The following RUSC2 variants were observed in gnomAD, a reference collection of about 807,000 sequenced individuals.
The protein encoded by RUSC2 is AP-4 complex accessory subunit RUSC2.
Under a neutral mutation model 122.2 loss-of-function variants are expected in RUSC2, and 34 were observed. That is an observed-to-expected ratio of 0.28 (90% CI 0.21 to 0.37). The LOEUF (loss-of-function observed/expected upper bound fraction) is 0.37, where lower values mean the gene tolerates loss of function less well. Among genes scored for constraint, RUSC2 ranks in the 10% least tolerant of loss-of-function variants. RUSC2 has a pLI of 1.00. For synonymous variants in RUSC2, 784 were observed against 790.0 expected (o/e 0.99, Z 0.13); for missense variants, 1,747 against 1,952.4 (o/e 0.89, Z 1.98).
At position 35,557,964 on chromosome 9, in the gene RUSC2, G is replaced by T. The variant is rs76401700; in HGVS notation, c.3034G>T (p.Gly1012Cys). ...IAVDLIVAHF[G>C]TSRDPGVKAK... is the part of the protein sequence containing the mutation. Reference sequence around the variant, plus strand: ...TGTGGACCTCATTGTGGCTCATTTTGGCACAAGCCGGGATCCCGGGGTGAA... The same window carrying T: ...TGTGGACCTCATTGTGGCTCATTTTTGCACAAGCCGGGATCCCGGGGTGAA... Residue 1012 changes from glycine to cysteine, a missense_variant, in exon 6 of 12, where the codon GGC becomes TGC. Physicochemically the swap from Gly to Cys is radical, Grantham distance 159. Transcript: ENST00000361226. This position sits in a 1 kb window ranked among gnomAD's most constrained non-coding sequence, Gnocchi z 4.6. 2.1e-5 allele frequency: 34 copies of T among 1,614,046 alleles called. No homozygotes were observed. The highest frequency in any genetic ancestry group is 2.9e-5 in the Non-Finnish European group (34 of 1,180,036).
At chr9:35,501,736 T>C (rs2132494744) in intron 1 of RUSC2, among the ~76,000 whole-genome samples, 1 of 152,322 alleles carries the variant, frequency 6.6e-6, no homozygotes, top group South Asian at 2.1e-4. Flanking sequence ...AACCAAAATA[T>C]GTGCTGCATA....
At position 35,548,536 on chromosome 9, in the gene RUSC2, G is replaced by T; in HGVS notation, c.2014+1G>T. ...AGGGATGCAAGAGCTAGAGCTGACG[G>T]TAAGGAGCCTAAGGGTTAGCAAATA... is the stretch of plus-strand genomic sequence containing the variant. On this transcript the variant is annotated splice_donor_variant, in intron 2 of 11. Coordinates refer to ENST00000361226, the MANE Select transcript of RUSC2 (RefSeq NM_014806.5). LOFTEE classifies it high-confidence loss of function. The surrounding 1 kb of genome is among the most constrained non-coding windows in gnomAD (Gnocchi z 4.5). 2 of 1,607,442 alleles carry T rather than the reference G, an allele frequency of 1.2e-6. No individual in the cohort carries two copies. The highest frequency in any genetic ancestry group is 1.7e-6 in the Non-Finnish European group (2 of 1,177,866).
intron 2 of RUSC2, among the ~76,000 whole-genome samples, chr9:35,554,703 G>A (rs1373245534): frequency 6.6e-6 from 1 of 152,060 alleles, no homozygotes; most frequent in African/African-American, 2.4e-5. Flanking sequence ...GGAAGGTCCA[G>A]GCTAAAGCTG....
Position 35,560,447 on chromosome 9 carries a change from CTGG to C in RUSC2, c.3812_3814del (p.Trp1271del), listed in dbSNP as rs1311243312. On this transcript the variant is annotated inframe_deletion, in exon 10 of 12. Coordinates refer to ENST00000361226, the MANE Select transcript of RUSC2 (RefSeq NM_014806.5). ...GGTGGGCCCGAGGTGGGCAGGCCGG[CTGG>C]TGGTACCAGCTCATGCAGAGCTCCC... The C allele has an allele frequency of 5.6e-6, 9 of 1,614,104 alleles. No individual in the cohort carries two copies. Among genetic ancestry groups the C allele is most frequent in the Non-Finnish European group, 7.6e-6 (9 of 1,180,032 alleles).
At chr9:35,559,372 G>A (rs4879906) in intron 9 of RUSC2, 100 bp downstream of exon 9, 247,290 of 1,017,374 alleles carry the variant, frequency 0.24, 32,508 homozygotes, top group Non-Finnish European at 0.27. Context: ...GGTGGGGAGG[G>A]GGACCACACA....
chr9:35,517,082 A>C (rs1019354388), intron 1 of RUSC2, among the ~76,000 whole-genome samples: 3 of 152,196 alleles, frequency 2.0e-5, no homozygotes, highest in Admixed American at 6.5e-5. Flanking sequence ...TGGCAGTACT[A>C]TATGGCCCAC....
rs897616960 is a variant in RUSC2 at position 35,558,293 on chromosome 9, A to G, written c.3157A>G (p.Lys1053Glu). The G allele has an allele frequency of 5.6e-6, 9 of 1,614,050 alleles. No homozygotes were observed. The highest frequency in any genetic ancestry group is 3.3e-5 in the Admixed American group (2 of 60,000). ...CCGCGCCGTGCTGGAGGATGGGCTC[A>G]AGGCCTTTGTACTGGACGTCATCAT... ...AVRAVLEDGL[K>E]AFVLDVIIGQ... Residue 1053 changes from lysine (K) to glutamate (E), a missense_variant, in exon 7 of 12, where the codon AAG (lysine) becomes GAG (glutamate). Lys to Glu is a moderately conservative substitution (Grantham distance 56, BLOSUM62 1). Coordinates refer to ENST00000361226, the MANE Select transcript of RUSC2 (RefSeq NM_014806.5). The surrounding 1 kb of genome is among the most constrained non-coding windows in gnomAD (Gnocchi z 4.3).
rs187091843 is a variant in RUSC2, at chr9:35,543,711, C to T, written c.-92-2719C>T. Among the ~76,000 whole-genome samples, 414 of 152,176 alleles carry T rather than the reference C, an allele frequency of 2.7e-3. 3 individuals carry two copies. Among genetic ancestry groups the T allele is most frequent in the Admixed American group, 0.019 (285 of 15,298 alleles). On this transcript the variant is annotated intron_variant, in intron 1 of 11. Transcript: ENST00000361226. The stretch of plus-strand genomic sequence containing the variant: ...CTTGAACTCTTGACCTCAAATGATC[C>T]GCCCGCCTCAGCCTCCCAAAGTGCT...
chr9:35,519,174 G>A (rs1011045077), intron 1 of RUSC2, among the ~76,000 whole-genome samples: 2 of 152,246 alleles, frequency 1.3e-5, no homozygotes, highest in Admixed American at 6.5e-5. Flanking sequence ...GGAGAAGCCT[G>A]AGGCCACTCC....
intron 1 of RUSC2, among the ~76,000 whole-genome samples, chr9:35,521,477 T>C (rs994399690): frequency 4.6e-5 from 7 of 152,234 alleles, no homozygotes; most frequent in African/African-American, 1.4e-4. Context: ...CTCTAGCTTA[T>C]TCTTTTCCTG....
intron 10 of RUSC2, 28 bp from the exon 11 acceptor site, chr9:35,560,932 A>G (rs747732691): frequency 1.2e-6 from 2 of 1,609,662 alleles, no homozygotes; most frequent in South Asian, 2.2e-5. Flanking sequence ...CATCCTGGGC[A>G]GAGCCTGAGT....
intron 1 of RUSC2, among the ~76,000 whole-genome samples, chr9:35,517,681 A>G (rs148616389): frequency 0.012 from 1,859 of 152,320 alleles, 30 homozygotes; most frequent in African/African-American, 0.043. Context: ...TGGGGATTAT[A>G]GGCCTGAAAG....
At chr9:35,531,330 G>C (rs939732564) in intron 1 of RUSC2, among the ~76,000 whole-genome samples, 1 of 152,192 alleles carries the variant, frequency 6.6e-6, no homozygotes, top group African/African-American at 2.4e-5. Flanking sequence ...GTAGTAGAGT[G>C]ACTTGCTGAA....
chr9:35,553,890 G>C lies in RUSC2; in HGVS notation c.2015-1170G>C, dbSNP rs1052334112. Among the ~76,000 whole-genome samples the C allele has an allele frequency of 4.6e-5, 7 of 152,304 alleles. No homozygotes were observed. In the East Asian group the frequency reaches 1.3e-3, roughly 29 times the overall value. ...GATGAGGGATAGGAAAACCTGGCCT[G>C]ATACAATTTCACATGTAGTACAATG... On this transcript the variant is annotated intron_variant, in intron 2 of 11. Coordinates refer to ENST00000361226, the MANE Select transcript of RUSC2 (RefSeq NM_014806.5).
chr9:35,540,636 T>C (rs1821624850), intron 1 of RUSC2, among the ~76,000 whole-genome samples: 2 of 152,146 alleles, frequency 1.3e-5, no homozygotes, highest in African/African-American at 2.4e-5. Flanking sequence ...AGTGTTATCA[T>C]AGCCTGGGGA....
At chr9:35,541,949 A>AT (rs58232980) in intron 1 of RUSC2, among the ~76,000 whole-genome samples, 23,813 of 149,852 alleles carry the variant, frequency 0.16, 2,449 homozygotes, top group East Asian at 0.34. Flanking sequence ...AAAATTTTAT[A>AT]AATATAAAAA....
At chr9:35,492,789 T>G (rs537880791) in intron 1 of RUSC2, among the ~76,000 whole-genome samples, 1 of 152,210 alleles carries the variant, frequency 6.6e-6, no homozygotes, top group African/African-American at 2.4e-5. Context: ...CTTTTTTTCA[T>G]CTTCCCAGAC....
intron 1 of RUSC2, among the ~76,000 whole-genome samples, chr9:35,506,609 C>T (rs970737850): frequency 2.0e-5 from 3 of 152,164 alleles, no homozygotes; most frequent in African/African-American, 7.2e-5. Context: ...CACAAAAGAT[C>T]TGATTAATTT....
rs2131701810 is a variant in RUSC2 at position 35,558,328 on chromosome 9, T to C, written c.3192T>C (p.Arg1064=). 1.9e-6 allele frequency: 3 copies of C among 1,614,126 alleles called. No individual in the cohort carries two copies. Among genetic ancestry groups the C allele is most frequent in the Non-Finnish European group, 2.5e-6 (3 of 1,180,026 alleles). The part of the protein sequence containing the change: ...AFVLDVIIGQ[R]KNMPWSVVEA... ...TACTGGACGTCATCATCGGGCAGCG[T>C]AAGAACATGCCATGGAGTGTGGTTG... Residue 1064 remains arginine, a synonymous_variant, in exon 7 of 12, where the codon CGT becomes CGC. Coordinates refer to ENST00000361226, the MANE Select transcript of RUSC2 (RefSeq NM_014806.5). This position sits in a 1 kb window ranked among gnomAD's most constrained non-coding sequence, Gnocchi z 4.3.
Sources: gnomAD v4.1 joint callset for allele counts (sites outside exome capture counted in the v4.1 genomes callset) on GRCh38, gnomAD v4.1.1 for gene constraint, Gnocchi (gnomAD v3.1) non-coding constraint, MANE v1.5 for transcripts, NCBI Gene and HGNC (gene_info 2026-07-23, HGNC 2026-07-21) for gene names.